The following HCFC1 variants were observed in gnomAD, a reference collection of about 807,000 sequenced individuals.
HCFC1 encodes host cell factor 1.
In HCFC1, 7 loss-of-function variants were observed where a neutral mutation model predicts 105.5. That is an observed-to-expected ratio of 0.07 (90% CI 0.04 to 0.12). The LOEUF is 0.12. HCFC1 is among the 10% of genes least tolerant of loss of function. The pLI, the probability that HCFC1 is intolerant of heterozygous loss-of-function variation, is 1.00. For synonymous variants in HCFC1, 918 were observed against 828.1 expected (o/e 1.11, Z -1.86); for missense variants, 1,065 against 1,823.6 (o/e 0.58, Z 7.58).
Position 153,955,277 on chromosome X carries a change from G to C in HCFC1, c.3122C>G (p.Pro1041Arg). 8.3e-7 allele frequency: 1 copy of C among 1,210,134 alleles called. No individual in the cohort carries two copies. Among genetic ancestry groups the C allele is most frequent in the South Asian group, 1.8e-5 (1 of 56,905 alleles). The change falls in exon 17 of 26, where the codon CCC (proline) becomes CGC (arginine). Residue 1041 changes from proline (P) to arginine (R), a missense_variant. Physicochemically the swap from Pro to Arg is moderately radical, Grantham distance 103 (BLOSUM62 -2). This residue lies in a region of HCFC1 where 546 missense variants were observed against 599.9 expected (regional missense o/e 0.91). Transcript: ENST00000310441. The stretch of plus-strand genomic sequence containing the variant: ...GACGAACTGCACTTGGGTGGGCTGG[G>C]GGTGTCCCCCAAGGTTAGCCACAAC... The part of the protein sequence containing the change: ...TTVVANLGGH[P>R]QPTQVQFVCD...
rs1557116495 is a variant in HCFC1 at position 153,960,365 on chromosome X, G to T, written c.954C>A (p.Ile318=). ...TILMDTLEDN[I]PRARAGHCAV... ...CGCAGTGGCCAGCCCGAGCACGGGG[G>T]ATGTTGTCCTCCAGTGTATCCATCA... Residue 318 remains isoleucine, a synonymous_variant, in exon 7 of 26, where the codon ATC becomes ATA. Transcript: ENST00000310441. 8.3e-7 allele frequency: 1 copy of T among 1,207,964 alleles called. No homozygotes were observed. The highest frequency in any genetic ancestry group is 1.8e-5 in the South Asian group (1 of 56,174).
rs782636018 is a variant in HCFC1 at position 153,953,591 on chromosome X, C to T, written c.4497+16G>A. The stretch of plus-strand genomic sequence containing the variant: ...GCCGGGAAGGCGGGGAAGAACACGG[C>T]CCCCTGGGCTCTTACCGGCACAGAG... On this transcript the variant is annotated intron_variant, in intron 18 of 25. Coordinates refer to ENST00000310441, the MANE Select transcript of HCFC1 (RefSeq NM_005334.3). 1.3e-5 allele frequency: 15 copies of T among 1,199,536 alleles called. No individual in the cohort carries two copies. The Admixed American group carries it at 1.3e-4, about 11-fold the overall frequency.
chrX:153,952,474 C>T, intron 19 of HCFC1, 40 bp downstream of exon 19: 1 of 1,114,398 alleles, frequency 9.0e-7, no homozygotes, highest in Non-Finnish European at 1.2e-6. Context: ...TATTGCTCCC[C>T]CGAGCGGCCC....
intron 22 of HCFC1, among the ~76,000 whole-genome samples, 166 bp downstream of exon 22, chrX:153,951,184 G>C (rs782008844): frequency 8.9e-6 from 1 of 111,817 alleles, no homozygotes; most frequent in African/African-American, 3.2e-5. Flanking sequence ...AGGAACCAAA[G>C]CTCTCCTTTT....
At chrX:153,952,470 T>C in intron 19 of HCFC1, 44 bp downstream of exon 19, 2 of 1,102,196 alleles carry the variant, frequency 1.8e-6, no homozygotes, top group Non-Finnish European at 2.4e-6. Context: ...GGCCTATTGC[T>C]CCCCCGAGCG....
In HCFC1 at chrX:153,950,271, G is replaced by T; in HGVS notation, c.5976C>A (p.Gly1992=). The T allele has an allele frequency of 8.3e-7, 1 of 1,198,456 alleles. No individual in the cohort carries two copies. ...RIAARNEKGY[G]PATQVRWLQE... ...GCAGCCACCTCACTTGTGTGGCCGG[G>T]CCATAGCCCTTCTCATTGCGGGCGG... Residue 1992 remains glycine, a synonymous_variant, in exon 24 of 26, where the codon GGC becomes GGA. Transcript: ENST00000310441.
Position 153,954,215 on chromosome X carries a change from G to A in HCFC1, c.4184C>T (p.Ala1395Val), listed in dbSNP as rs1433441527. The change falls in exon 17 of 26, where the codon GCG (alanine) becomes GTG (valine). Residue 1395 changes from alanine (A) to valine (V), a missense_variant. Around this residue, in one of 17 missense-constraint regions of HCFC1, gnomAD observed 546 missense variants for 599.9 expected, o/e 0.91. Coordinates refer to ENST00000310441, the MANE Select transcript of HCFC1 (RefSeq NM_005334.3). The part of the protein sequence containing the change: ...RTVESGLEVA[A>V]APSVTPQAGT... ...AGCCTGGGGGGTGACGCTGGGTGCCGCCGCCACCTCTAGGCCAGACTCCAC... is the reference window on the plus strand; with the variant it reads ...AGCCTGGGGGGTGACGCTGGGTGCCACCGCCACCTCTAGGCCAGACTCCAC... 14 of 1,207,282 alleles carry A rather than the reference G, an allele frequency of 1.2e-5. No homozygotes were observed. The highest frequency in any genetic ancestry group is 3.0e-5 in the East Asian group (1 of 33,691).
At position 153,970,864 on chromosome X, in the gene HCFC1, G is replaced by A; in HGVS notation, c.-24C>T. Reference sequence around the variant, plus strand: ...ATAGTTCCGGGAAAGGGTGCGGTGGGGAGAAGTCAACAAGCGGGAAGGGAG... The same window carrying A: ...ATAGTTCCGGGAAAGGGTGCGGTGGAGAGAAGTCAACAAGCGGGAAGGGAG... On this transcript the variant is annotated 5_prime_UTR_variant, in exon 1 of 26. Coordinates refer to ENST00000310441, the MANE Select transcript of HCFC1 (RefSeq NM_005334.3). 8.9e-7 allele frequency: 1 copy of A among 1,125,141 alleles called. No individual in the cohort carries two copies. The highest frequency in any genetic ancestry group is 2.1e-5 in the South Asian group (1 of 48,634). The allele number at this position is 1,125,141 out of a possible 1,213,427, so 92.7% of individuals were successfully genotyped here. A position where few individuals can be genotyped will look rare whatever the true frequency, so the allele number is the denominator to read the frequency against.
rs187975563 is a variant in HCFC1 at position 153,963,838 on chromosome X, C to T, written c.503+286G>A. Reference sequence around the variant, plus strand: ...AGGCAGCGGAGGCTGAGAAGGAACGCGAGCAGCTCTAAGCCGACTCCGAGA... The same window carrying T: ...AGGCAGCGGAGGCTGAGAAGGAACGTGAGCAGCTCTAAGCCGACTCCGAGA... On this transcript the variant is annotated intron_variant, in intron 3 of 25. Transcript: ENST00000310441. 9.8e-5 allele frequency among the ~76,000 whole-genome samples: 11 copies of T among 112,577 alleles called. No homozygotes were observed. In the East Asian group the frequency reaches 3.1e-3, roughly 32 times the overall value.
Position 153,955,189 on chromosome X carries a change from G to A in HCFC1, c.3210C>T (p.Ser1070=). The A allele has an allele frequency of 8.3e-7, 1 of 1,211,075 alleles. No homozygotes were observed. The highest frequency in any genetic ancestry group is 3.0e-5 in the East Asian group (1 of 33,820). Residue 1070 remains serine (S), a synonymous_variant, in exon 17 of 26, where the codon AGC becomes AGT. Transcript: ENST00000310441. ...VTSTVGQQNG[S]VVRVCSNPPC... is the part of the protein sequence containing the mutation. ...GCGGGTTCGAACAGACTCGGACCAC[G>A]CTACCATTCTGCTGGCCCACAGTCG...
chrX:153,949,421 G>A, intron 25 of HCFC1, 35 bp from the exon 26 acceptor site: 1 of 1,184,181 alleles, frequency 8.4e-7, no homozygotes, highest in Non-Finnish European at 1.1e-6. Context: ...GAAAGTTAGT[G>A]TGGGCCCTGC....
chrX:153,961,731 G>GCTCAGTC, intron 5 of HCFC1, 83 bp from the exon 6 acceptor site: 1 of 699,176 alleles, frequency 1.4e-6, no homozygotes, highest in Admixed American at 2.6e-5. Context: ...CAGTTCTAGA[G>GCTCAGTC]CTCAGTCCTC....
In HCFC1 at chrX:153,963,809, T is replaced by C. The variant is rs371002684; in HGVS notation, c.503+315A>G. Among the ~76,000 whole-genome samples the C allele has an allele frequency of 2.7e-5, 3 of 111,839 alleles. No homozygotes were observed. The East Asian group carries it at 8.5e-4, about 32-fold the overall frequency. ...CCTTGGAAAATACCCATCAGGAAACTTGTAGGCAGCGGAGGCTGAGAAGGA... is the reference window on the plus strand; with the variant it reads ...CCTTGGAAAATACCCATCAGGAAACCTGTAGGCAGCGGAGGCTGAGAAGGA... On this transcript the variant is annotated intron_variant, in intron 3 of 25. Transcript: ENST00000310441.
chrX:153,953,512 T>C, intron 18 of HCFC1, 95 bp downstream of exon 18: 1 of 929,514 alleles, frequency 1.1e-6, no homozygotes. Flanking sequence ...AGCGGCCCCA[T>C]GCCTGGTACA....
chrX:153,970,356 G>A (rs1423926583), intron 1 of HCFC1, among the ~76,000 whole-genome samples: 2 of 101,745 alleles, frequency 2.0e-5, no homozygotes, highest in East Asian at 6.3e-4. Flanking sequence ...AGAGACAAGG[G>A]AACGGGGAGA....
chrX:153,970,025 T>TA (rs1179138486), intron 1 of HCFC1: 4 of 112,908 alleles, frequency 3.5e-5, no homozygotes, highest in African/African-American at 1.3e-4. Context: ...CGGCGGATGT[T>TA]AAACTCTGCG....
At chrX:153,950,142 G>T in intron 24 of HCFC1, 101 bp downstream of exon 24, 1 of 886,898 alleles carries the variant, frequency 1.1e-6, no homozygotes, top group Non-Finnish European at 1.5e-6. Context: ...GCAGGGAGAC[G>T]CCGCACATGG....
At position 153,953,773 on chromosome X, in the gene HCFC1, G is replaced by A. The variant is rs782336704; in HGVS notation, c.4334-3C>T. On this transcript the variant is annotated splice_region_variant and splice_polypyrimidine_tract_variant and intron_variant, in intron 17 of 25. Coordinates refer to ENST00000310441, the MANE Select transcript of HCFC1 (RefSeq NM_005334.3). ...ATCGCTGGCAGCAGGTGGGGGGTCT[G>A]TGGGGGCGACAGGCAGGCGGCTGCT... The A allele has an allele frequency of 2.7e-5, 32 of 1,200,259 alleles. No homozygotes were observed. The highest frequency in any genetic ancestry group is 3.4e-5 in the Non-Finnish European group (30 of 890,489).
At chrX:153,970,176 G>A (rs1034219268) in intron 1 of HCFC1, 1 of 111,383 alleles carries the variant, frequency 9.0e-6, no homozygotes, top group African/African-American at 3.4e-5. Flanking sequence ...AGGGAGGGAG[G>A]GGAGCTCTGC....
Sources: gnomAD v4.1 joint callset for allele counts (sites outside exome capture counted in the v4.1 genomes callset) on GRCh38, gnomAD v4.1.1 for gene constraint, gnomAD v4.1.1 regional missense constraint, MANE v1.5 for transcripts, NCBI Gene and HGNC (gene_info 2026-07-23, HGNC 2026-07-21) for gene names.